The following PCSK5 variants were observed in gnomAD, a reference collection of about 807,000 sequenced individuals.
PCSK5 encodes prohormone convertase 5.
PCSK5 carries 129 observed loss-of-function variants against 233.2 expected under a neutral mutation model. The observed-to-expected ratio is 0.55, with a 90% CI of 0.48 to 0.64. The LOEUF (loss-of-function observed/expected upper bound fraction) is 0.64. PCSK5 is among the 30% of genes least tolerant of loss of function. The pLI is 0.00. For missense variants in PCSK5, 2,076 were observed against 2,430.1 expected, an observed-to-expected ratio of 0.85 and a Z score of 3.06; for synonymous variants, 825 against 879.2, an observed-to-expected ratio of 0.94 and a Z score of 1.09.
At chr9:75,950,484 T>G (rs972551740) in intron 2 of PCSK5, among the ~76,000 whole-genome samples, 2 of 152,200 alleles carry the variant, frequency 1.3e-5, no homozygotes, top group African/African-American at 4.8e-5. Context: ...GACTAACAGC[T>G]GATCTCTCGG....
intron 4 of PCSK5, 102 bp downstream of exon 4, chr9:76,023,983 G>A (rs774006721): frequency 1.6e-5 from 15 of 944,088 alleles, no homozygotes; most frequent in African/African-American, 6.6e-5. Flanking sequence ...ATGTAGCAAC[G>A]TACAATAGGG....
intron 5 of PCSK5, among the ~76,000 whole-genome samples, chr9:76,058,905 G>A (rs910232032): frequency 6.6e-6 from 1 of 152,104 alleles, no homozygotes; most frequent in Admixed American, 6.5e-5. Flanking sequence ...AGCTACTTGG[G>A]AAGCTGAGGT....
At chr9:76,124,809 C>A (rs955789501) in intron 9 of PCSK5, among the ~76,000 whole-genome samples, 20 of 150,942 alleles carry the variant, frequency 1.3e-4, no homozygotes, top group African/African-American at 3.7e-4. Context: ...ATCAACTCAG[C>A]TTTCTATGAT....
At chr9:76,046,563 T>TC (rs1400017199) in intron 5 of PCSK5, among the ~76,000 whole-genome samples, 5 of 116,918 alleles carry the variant, frequency 4.3e-5, no homozygotes, top group South Asian at 6.4e-4. Flanking sequence ...CTTTTTCTTT[T>TC]TTTTTTTTTT....
intron 20 of PCSK5, chr9:76,209,465 G>T: frequency 2.0e-6 from 1 of 504,916 alleles, no homozygotes; most frequent in African/African-American, 1.9e-5. Flanking sequence ...TCTGTGTTTT[G>T]CCTACTACTG....
At chr9:76,049,643 A>C (rs1197794501) in intron 5 of PCSK5, among the ~76,000 whole-genome samples, 1 of 152,210 alleles carries the variant, frequency 6.6e-6, no homozygotes, top group Non-Finnish European at 1.5e-5. Flanking sequence ...TTGCAGAAGA[A>C]GCTTAGTAAC....
At chr9:75,997,796 T>TA (rs923168458) in intron 3 of PCSK5, among the ~76,000 whole-genome samples, 73 of 152,032 alleles carry the variant, frequency 4.8e-4, no homozygotes, top group East Asian at 1.9e-3. Flanking sequence ...TTCTTTATGC[T>TA]AAAAAAAAGC....
intron 9 of PCSK5, among the ~76,000 whole-genome samples, chr9:76,125,586 T>C (rs578026779): frequency 6.6e-6 from 1 of 152,368 alleles, no homozygotes; most frequent in African/African-American, 2.4e-5. Flanking sequence ...TAGAATACTT[T>C]TGATAGTATG....
At chr9:76,236,779 A>G (rs531765080) in intron 22 of PCSK5, among the ~76,000 whole-genome samples, 2 of 152,318 alleles carry the variant, frequency 1.3e-5, no homozygotes, top group East Asian at 3.9e-4. Context: ...CCCAAATTAT[A>G]ACACCCAAAG....
intron 1 of PCSK5, among the ~76,000 whole-genome samples, chr9:75,924,716 T>A (rs568312764): frequency 2.0e-5 from 3 of 152,306 alleles, no homozygotes; most frequent in Admixed American, 2.0e-4. Context: ...AAATATCCCC[T>A]CTCTGTACAA....
intron 24 of PCSK5, among the ~76,000 whole-genome samples, chr9:76,263,267 C>T (rs949909886): frequency 2.0e-5 from 3 of 152,152 alleles, no homozygotes; most frequent in East Asian, 1.9e-4. Context: ...ACTCAGCCAT[C>T]GCATTACTGG....
intron 18 of PCSK5, 129 bp from the exon 19 acceptor site, chr9:76,188,965 C>G: frequency 1.2e-6 from 1 of 829,630 alleles, no homozygotes; most frequent in Non-Finnish European, 1.8e-6. Flanking sequence ...CCAGGGAAAT[C>G]AAGAAAAAGC....
In PCSK5 at chr9:76,169,685, A is replaced by T; in HGVS notation, c.1620-19A>T. On this transcript the variant is annotated intron_variant, in intron 12 of 37. Transcript: ENST00000674117. ...TGGATTTGAAATATCGCACATAACA[A>T]TGTTTTGTTCACTTTCAGGCTATTT... 12 of 1,611,684 alleles carry T rather than the reference A, an allele frequency of 7.4e-6. No individual in the cohort carries two copies. The highest frequency in any genetic ancestry group is 1.0e-5 in the Non-Finnish European group (12 of 1,178,384).
At chr9:76,048,439 A>T (rs1182599261) in intron 5 of PCSK5, among the ~76,000 whole-genome samples, 1 of 152,228 alleles carries the variant, frequency 6.6e-6, no homozygotes, top group African/African-American at 2.4e-5. Flanking sequence ...CAGTTGTCTC[A>T]GGAAAGATCT....
chr9:76,068,721 A>G (rs1052753021), intron 6 of PCSK5, among the ~76,000 whole-genome samples: 1 of 152,178 alleles, frequency 6.6e-6, no homozygotes, highest in Non-Finnish European at 1.5e-5. Context: ...TTTGTAAGCA[A>G]CAGCCTGGTG....
chr9:75,942,173 C>T (rs4524860), intron 2 of PCSK5, among the ~76,000 whole-genome samples: 88,608 of 152,102 alleles, frequency 0.58, 25,992 homozygotes, highest in Middle Eastern at 0.61. Context: ...CTGAGGCCGG[C>T]TGTCCTCAGG....
In PCSK5 at chr9:76,332,431, AGACACAACCTGTGTG is replaced by A; in HGVS notation, c.4571-1_4584del. On this transcript the variant is annotated splice_acceptor_variant and coding_sequence_variant, in exon 34 of 38. Transcript: ENST00000674117. LOFTEE classifies it high-confidence loss of function. ...AAATAGACATTTTTTCTCCCATGACAGACACAACCTGTGTGAAGGACTGCCCAGAGGGCTATTATG... is the reference window on the plus strand; with the variant it reads ...AAATAGACATTTTTTCTCCCATGACAAAGGACTGCCCAGAGGGCTATTATG... 1 of 1,609,180 alleles carries A rather than the reference AGACACAACCTGTGTG, an allele frequency of 6.2e-7. No individual in the cohort carries two copies.
chr9:76,003,490 C>T (rs573045416), intron 3 of PCSK5, among the ~76,000 whole-genome samples: 1 of 152,200 alleles, frequency 6.6e-6, no homozygotes, highest in African/African-American at 2.4e-5. Flanking sequence ...ATATTAATAC[C>T]TTCCATTCAC....
chr9:76,342,396 T>C (rs1452128559), intron 35 of PCSK5, among the ~76,000 whole-genome samples: 4 of 152,008 alleles, frequency 2.6e-5, no homozygotes, highest in African/African-American at 7.3e-5. Flanking sequence ...TTTTTTCCCC[T>C]TCCAAAATGA....
Sources: allele counts gnomAD v4.1 joint callset (sites outside exome capture counted in the v4.1 genomes callset), GRCh38; gene constraint gnomAD v4.1.1; transcripts MANE v1.5; gene names NCBI Gene and HGNC (gene_info 2026-07-23, HGNC 2026-07-21).